The following ROCK1 variants were observed in gnomAD, a reference collection of about 807,000 sequenced individuals.
The protein encoded by ROCK1 is rho-associated protein kinase 1.
Under a neutral mutation model 196.8 loss-of-function variants are expected in ROCK1, and 36 were observed. The ratio of observed to expected loss-of-function variants is 0.18; its 90% CI spans 0.14 to 0.24. The LOEUF is 0.24. Ranked by LOEUF, ROCK1 falls within the 10% of genes least tolerant of loss-of-function variation. ROCK1 has a pLI of 1.00. For synonymous variants in ROCK1, 443 were observed against 515.9 expected, an observed-to-expected ratio of 0.86 and a Z score of 1.91; for missense variants, 920 against 1,562.0, an observed-to-expected ratio of 0.59 and a Z score of 6.93.
chr18:20,970,350 G>A lies in ROCK1; in HGVS notation c.2818C>T (p.Arg940Trp), dbSNP rs755584844. The change falls in exon 23 of 33, where the codon CGG becomes TGG. Residue 940 changes from arginine to tryptophan, a missense_variant and splice_region_variant. Arg to Trp is a moderately radical substitution (Grantham distance 101). Around this residue, in one of 6 missense-constraint regions of ROCK1, gnomAD observed 520 missense variants for 657.1 expected, o/e 0.79. Transcript: ENST00000399799. ...ACTTACCTGACTATCACACTTACCC[G>A]ACTAACAGTGTGATCTTTATCTGTA... ...EITDKDHTVS[R>W]LEEANSMLTK... The A allele has an allele frequency of 1.2e-5, 20 of 1,610,856 alleles. No homozygotes were observed. The highest frequency in any genetic ancestry group is 2.7e-5 in the African/African-American group (2 of 74,810).
chr18:21,045,374 C>T lies in ROCK1; in HGVS notation c.508G>A (p.Val170Met), dbSNP rs2036147006. 2.5e-6 allele frequency: 4 copies of T among 1,613,836 alleles called. No homozygotes were observed. Among genetic ancestry groups the T allele is most frequent in the Non-Finnish European group, 3.4e-6 (4 of 1,179,948 alleles). The change falls in exon 5 of 33, where the codon GTG becomes ATG. Residue 170 changes from valine (V) to methionine (M), a missense_variant. Around this residue, in one of 6 missense-constraint regions of ROCK1, gnomAD observed 234 missense variants for 460.7 expected, o/e 0.51. Coordinates refer to ENST00000399799, the MANE Select transcript of ROCK1 (RefSeq NM_005406.3). ...TAGAATCGTGCCCATTTTTCAGGCA[C>T]ATCATAGTTGCTCATTAAGTTTACA... ...DLVNLMSNYD[V>M]PEKWARFYTA...
Position 21,070,524 on chromosome 18 carries a change from T to C in ROCK1, c.175+8A>G. On this transcript the variant is annotated splice_region_variant and intron_variant, in intron 2 of 32. Transcript: ENST00000399799. ...GTCTGTCATTAACCTCCACAAAAAATTACTTACATCTGCTTAAAAAGTTGT... is the reference window on the plus strand; with the variant it reads ...GTCTGTCATTAACCTCCACAAAAAACTACTTACATCTGCTTAAAAAGTTGT... 1.3e-6 allele frequency: 2 copies of C among 1,514,348 alleles called. No individual in the cohort carries two copies. The highest frequency in any genetic ancestry group is 4.5e-5 in the East Asian group (2 of 44,056). The allele number at this position is 1,514,348 out of a possible 1,614,324, so 93.8% of individuals were successfully genotyped here.
rs1161105787 is a variant in ROCK1, at chr18:20,966,922, A to G, written c.3347T>C (p.Leu1116Pro). 4 of 1,609,518 alleles carry G rather than the reference A, an allele frequency of 2.5e-6. No individual in the cohort carries two copies. Among genetic ancestry groups the G allele is most frequent in the Non-Finnish European group, 3.4e-6 (4 of 1,176,878 alleles). Residue 1116 changes from leucine to proline, a missense_variant, in exon 27 of 33, where the codon CTC becomes CCC. This residue lies in a region of ROCK1 where 116 missense variants were observed against 204.2 expected (regional missense o/e 0.57). Coordinates refer to ENST00000399799, the MANE Select transcript of ROCK1 (RefSeq NM_005406.3). ...FPSADETDGN[L>P]PESRIEGWLS... is the part of the protein sequence containing the mutation. ...TGATACAGAATTATTCTTACCTGGG[A>G]GGTTACCATCAGTTTCATCAGCACT...
chr18:21,025,204 G>A (rs937933198), intron 10 of ROCK1, among the ~76,000 whole-genome samples: 1 of 152,060 alleles, frequency 6.6e-6, no homozygotes, highest in African/African-American at 2.4e-5. Flanking sequence ...CATAGAATCT[G>A]GTCATTTAGG....
At position 21,020,203 on chromosome 18, in the gene ROCK1, C is replaced by T; in HGVS notation, c.1309G>A (p.Glu437Lys). The change falls in exon 12 of 33, where the codon GAA (glutamate) becomes AAA (lysine). Residue 437 changes from glutamate (E) to lysine (K), a missense_variant. By Grantham distance (56) the Glu-to-Lys change is moderately conservative (BLOSUM62 1). Transcript: ENST00000399799. Reference protein sequence around the residue: ...SLQKTIYKLEEQLHNEMQLKD... With the variant: ...SLQKTIYKLEKQLHNEMQLKD... ...AACTGCATTTCATTATGCAGCTGTT[C>T]TTCCAGCTTATAGATTGTTTTTTGC... 1 of 1,597,616 alleles carries T rather than the reference C, an allele frequency of 6.3e-7. No individual in the cohort carries two copies. The highest frequency in any genetic ancestry group is 2.3e-5 in the East Asian group (1 of 44,180).
chr18:20,986,245 A>G (rs999937125), intron 19 of ROCK1, among the ~76,000 whole-genome samples: 29 of 152,120 alleles, frequency 1.9e-4, no homozygotes, highest in African/African-American at 6.8e-4. Context: ...TTTTCCTTCA[A>G]AAAGTTAAAG....
intron 9 of ROCK1, among the ~76,000 whole-genome samples, chr18:21,033,744 C>T (rs557078267): frequency 2.8e-4 from 42 of 148,852 alleles, no homozygotes; most frequent in African/African-American, 1.0e-3. Context: ...AAAGGCCAGG[C>T]GCGGTGGCTC....
At chr18:21,005,968 A>G (rs1276922963) in intron 16 of ROCK1, among the ~76,000 whole-genome samples, 1 of 152,236 alleles carries the variant, frequency 6.6e-6, no homozygotes, top group Admixed American at 6.5e-5. Flanking sequence ...TAAATATATT[A>G]ACTTAGACTT....
At position 20,966,993 on chromosome 18, in the gene ROCK1, A is replaced by T; in HGVS notation, c.3276T>A (p.Ala1092=). The T allele has an allele frequency of 6.2e-7, 1 of 1,613,590 alleles. No homozygotes were observed. Among genetic ancestry groups the T allele is most frequent in the Non-Finnish European group, 8.5e-7 (1 of 1,179,470 alleles). ...TAGAATCCGAGAGGTCCAAAAGTTT[A>T]GCACGCAATTGCTCAATATCACTCT... The part of the protein sequence containing the change: ...SKESDIEQLR[A]KLLDLSDSTS... Residue 1092 remains alanine, a synonymous_variant, in exon 27 of 33, where the codon GCT becomes GCA. Transcript: ENST00000399799.
intron 21 of ROCK1, among the ~76,000 whole-genome samples, chr18:20,981,246 T>A (rs1234384861): frequency 6.6e-6 from 1 of 151,886 alleles, no homozygotes; most frequent in Non-Finnish European, 1.5e-5. Context: ...TACAAAAAAT[T>A]AGCTAGGCAT....
chr18:21,090,683 C>T (rs542549974), intron 1 of ROCK1, among the ~76,000 whole-genome samples: 1 of 152,312 alleles, frequency 6.6e-6, no homozygotes, highest in South Asian at 2.1e-4. Context: ...CCATCTTCAG[C>T]TCTTGTTACA....
At chr18:21,109,963 AATATTATATAACCCT>A (rs1316560502) in intron 1 of ROCK1, among the ~76,000 whole-genome samples, 1 of 152,138 alleles carries the variant, frequency 6.6e-6, no homozygotes, top group East Asian at 1.9e-4. Flanking sequence ...TGGACCAAGA[AATATTATATAACCCT>A]TAGTTGTTCA....
chr18:20,985,161 C>G (rs746591403), intron 19 of ROCK1, among the ~76,000 whole-genome samples: 1 of 151,864 alleles, frequency 6.6e-6, no homozygotes, highest in Non-Finnish European at 1.5e-5. Flanking sequence ...TACCTGTCTA[C>G]GTGCTCTACT....
chr18:21,074,421 A>G (rs1048922557), intron 1 of ROCK1, among the ~76,000 whole-genome samples: 10 of 152,146 alleles, frequency 6.6e-5, no homozygotes, highest in African/African-American at 2.2e-4. Flanking sequence ...TCAGTCTCCA[A>G]TCATACCTTT....
intron 16 of ROCK1, among the ~76,000 whole-genome samples, chr18:20,999,789 G>A (rs1436794183): frequency 6.6e-6 from 1 of 152,104 alleles, no homozygotes; most frequent in African/African-American, 2.4e-5. Flanking sequence ...CACCACACCT[G>A]GCTGATTTTT....
intron 2 of ROCK1, among the ~76,000 whole-genome samples, chr18:21,053,131 A>G (rs562857707): frequency 3.2e-4 from 49 of 152,306 alleles, no homozygotes; most frequent in African/African-American, 1.2e-3. Flanking sequence ...TTGAGCAGCT[A>G]TTCTTGCCCA....
At chr18:21,024,996 G>A (rs1321829813) in intron 10 of ROCK1, among the ~76,000 whole-genome samples, 2 of 152,188 alleles carry the variant, frequency 1.3e-5, no homozygotes, top group African/African-American at 2.4e-5. Flanking sequence ...AGATGAGACT[G>A]TTTCATCTCT....
chr18:20,970,482 C>A lies in ROCK1; in HGVS notation c.2686G>T (p.Glu896Ter). ...ETLATQLDLA[E>*]TKAESEQLAR... ...AACTGCTCAGACTCAGCTTTTGTTT[C>A]TGCTAGATCCAACTGAGTAGCAAGA... is the stretch of plus-strand genomic sequence containing the variant. The change falls in exon 23 of 33, where the codon GAA (glutamate) becomes TAA (stop). Residue 896 changes from glutamate (E) to a stop codon, truncating the protein, a stop_gained. Transcript: ENST00000399799. LOFTEE classifies it high-confidence loss of function. The A allele has an allele frequency of 6.2e-7, 1 of 1,612,692 alleles. No individual in the cohort carries two copies. Among genetic ancestry groups the A allele is most frequent in the Non-Finnish European group, 8.5e-7 (1 of 1,178,966 alleles).
intron 27 of ROCK1, among the ~76,000 whole-genome samples, chr18:20,965,630 T>C (rs980622976): frequency 6.6e-6 from 1 of 152,182 alleles, no homozygotes; most frequent in Non-Finnish European, 1.5e-5. Flanking sequence ...AGTCTAACTT[T>C]AGAAAGATGT....
Sources: gnomAD v4.1 joint callset for allele counts (sites outside exome capture counted in the v4.1 genomes callset) on GRCh38, gnomAD v4.1.1 for gene constraint, gnomAD v4.1.1 regional missense constraint, MANE v1.5 for transcripts, NCBI Gene and HGNC (gene_info 2026-07-23, HGNC 2026-07-21) for gene names.